Variants in FRMD5 observed in about 807,000 individuals in gnomAD.
FRMD5 encodes FERM domain-containing protein 5.
A neutral mutation model predicts 69.0 loss-of-function variants in FRMD5; 20 were observed. That is an observed-to-expected ratio of 0.29 (90% CI 0.20 to 0.42). The LOEUF (loss-of-function observed/expected upper bound fraction) is 0.42, where lower values mean the gene tolerates loss of function less well. FRMD5 is among the 10% of genes least tolerant of loss of function. The pLI is 1.00. For synonymous variants in FRMD5, 271 were observed against 260.1 expected, an observed-to-expected ratio of 1.04 and a Z score of -0.40; for missense variants, 595 against 708.6, an observed-to-expected ratio of 0.84 and a Z score of 1.82.
At chr15:43,999,076 A>AT (rs1290940930) in intron 1 of FRMD5, among the ~76,000 whole-genome samples, 15 of 151,218 alleles carry the variant, frequency 9.9e-5, no homozygotes, top group East Asian at 9.7e-4. Flanking sequence ...TTTCATTTTT[A>AT]TTTTTTTTTC....
chr15:44,023,369 A>G (rs578122730), intron 1 of FRMD5, among the ~76,000 whole-genome samples: 85 of 152,322 alleles, frequency 5.6e-4, no homozygotes, highest in Middle Eastern at 3.4e-3. Flanking sequence ...CATTTTACTC[A>G]GAGGAAATGA....
chr15:43,885,090 T>C (rs75566362), intron 11 of FRMD5: 6,308 of 354,100 alleles, frequency 0.018, 379 homozygotes, highest in East Asian at 0.18. Flanking sequence ...AAAAAACACA[T>C]AAGAACAACC....
At chr15:43,981,441 AG>A (rs757392352) in intron 1 of FRMD5, among the ~76,000 whole-genome samples, 4 of 152,198 alleles carry the variant, frequency 2.6e-5, no homozygotes, top group Non-Finnish European at 4.4e-5. Context: ...GAGGAGGAAA[AG>A]GGGTTGGTCT....
At chr15:44,047,457 T>C (rs573554064) in intron 1 of FRMD5, among the ~76,000 whole-genome samples, 1 of 152,318 alleles carries the variant, frequency 6.6e-6, no homozygotes, top group Admixed American at 6.5e-5. Flanking sequence ...CCTAGGCCTG[T>C]GGAAAGTTTT....
intron 1 of FRMD5, among the ~76,000 whole-genome samples, chr15:44,047,543 C>G (rs1202607889): frequency 6.6e-6 from 1 of 152,126 alleles, no homozygotes; most frequent in Non-Finnish European, 1.5e-5. Context: ...ACATCTATGA[C>G]AAACAATTCT....
intron 7 of FRMD5, among the ~76,000 whole-genome samples, chr15:43,893,583 G>A (rs1357819349): frequency 3.3e-5 from 5 of 152,222 alleles, no homozygotes; most frequent in Non-Finnish European, 7.3e-5. Context: ...GTGTTGAGGT[G>A]ACCAGAAACT....
intron 1 of FRMD5, among the ~76,000 whole-genome samples, chr15:43,980,490 C>T (rs1369127238): frequency 6.6e-6 from 1 of 152,196 alleles, no homozygotes. Flanking sequence ...GTCATTTGAT[C>T]TTTAGATGCT....
chr15:44,008,451 A>G (rs1042684298), intron 1 of FRMD5, among the ~76,000 whole-genome samples: 7 of 150,872 alleles, frequency 4.6e-5, no homozygotes, highest in African/African-American at 1.5e-4. Context: ...TTTTTAGTAG[A>G]GATGTGGTTT....
intron 1 of FRMD5, among the ~76,000 whole-genome samples, chr15:44,155,188 C>A (rs1304643924): frequency 1.3e-5 from 2 of 152,146 alleles, no homozygotes; most frequent in African/African-American, 4.8e-5. Context: ...AATCCCAACA[C>A]TTTGGGAGGC....
At chr15:44,009,215 C>T (rs753323028) in intron 1 of FRMD5, among the ~76,000 whole-genome samples, 4 of 152,180 alleles carry the variant, frequency 2.6e-5, no homozygotes, top group Non-Finnish European at 4.4e-5. Flanking sequence ...CTCTTCTTTG[C>T]CCAGCTTTCT....
At chr15:43,955,761 A>G (rs1013926619) in intron 1 of FRMD5, among the ~76,000 whole-genome samples, 4 of 152,174 alleles carry the variant, frequency 2.6e-5, no homozygotes, top group Non-Finnish European at 5.9e-5. Flanking sequence ...ATGTTTTCCA[A>G]TGAACTGTCT....
chr15:43,969,617 A>G (rs2090345825), intron 1 of FRMD5, among the ~76,000 whole-genome samples: 1 of 152,208 alleles, frequency 6.6e-6, no homozygotes, highest in South Asian at 2.1e-4. Flanking sequence ...ATTCCCAAAA[A>G]TTGTCACATA....
At chr15:43,912,797 C>T (rs138694437) in intron 4 of FRMD5, among the ~76,000 whole-genome samples, 2,207 of 149,740 alleles carry the variant, frequency 0.015, 63 homozygotes, top group African/African-American at 0.052. Context: ...GTGGGTGGAT[C>T]ACCTGAGGTC....
intron 1 of FRMD5, among the ~76,000 whole-genome samples, chr15:43,943,576 C>T (rs2089896960): frequency 6.6e-6 from 1 of 152,192 alleles, no homozygotes; most frequent in African/African-American, 2.4e-5. Flanking sequence ...TGAGGCCATA[C>T]TGGATTAGGG....
chr15:43,906,042 C>G, intron 5 of FRMD5, 91 bp from the exon 6 acceptor site: 1 of 1,444,092 alleles, frequency 6.9e-7, no homozygotes, highest in South Asian at 1.2e-5. Flanking sequence ...GAGCAAAAGC[C>G]AAAATACACA....
intron 1 of FRMD5, among the ~76,000 whole-genome samples, chr15:44,077,845 T>C (rs1285960474): frequency 6.6e-6 from 1 of 152,252 alleles, no homozygotes; most frequent in Non-Finnish European, 1.5e-5. Context: ...CTAGATTACA[T>C]GAAGCTCATG....
intron 1 of FRMD5, among the ~76,000 whole-genome samples, chr15:44,175,712 A>G (rs769751082): frequency 2.0e-5 from 3 of 152,190 alleles, no homozygotes; most frequent in Admixed American, 6.6e-5. Context: ...GAAAACTCCA[A>G]TGTCCCTCAA....
At chr15:43,995,261 T>A (rs566280735) in intron 1 of FRMD5, among the ~76,000 whole-genome samples, 5 of 152,184 alleles carry the variant, frequency 3.3e-5, no homozygotes, top group Non-Finnish European at 7.4e-5. Context: ...TAGGGAATAA[T>A]GACAAGAAAA....
At chr15:44,108,681 T>A (rs926173308) in intron 1 of FRMD5, among the ~76,000 whole-genome samples, 2 of 150,252 alleles carry the variant, frequency 1.3e-5, no homozygotes, top group Non-Finnish European at 3.0e-5. Flanking sequence ...ACAAAAAACC[T>A]CTGGGCACAG....
Sources: gnomAD v4.1 joint callset for allele counts (sites outside exome capture counted in the v4.1 genomes callset) on GRCh38, gnomAD v4.1.1 for gene constraint, MANE v1.5 for transcripts, NCBI Gene and HGNC (gene_info 2026-07-23, HGNC 2026-07-21) for gene names.